Variants in VPS13A observed in about 807,000 individuals in gnomAD.
The protein encoded by VPS13A is intermembrane lipid transfer protein VPS13A.
VPS13A carries 264 observed loss-of-function variants against 390.9 expected under a neutral mutation model. That is an observed-to-expected ratio of 0.68 (90% CI 0.61 to 0.75). The LOEUF (loss-of-function observed/expected upper bound fraction) is 0.75, where lower values mean the gene tolerates loss of function less well. Among genes scored for constraint, VPS13A ranks in the 30% least tolerant of loss-of-function variants. The pLI is 0.00. For synonymous variants in VPS13A, 1,231 were observed against 1,227.1 expected (o/e 1.00, Z -0.07); for missense variants, 3,409 against 3,733.9 (o/e 0.91, Z 2.27).
At chr9:77,319,522 T>C (rs1446584364) in intron 41 of VPS13A, 50 bp from the exon 42 acceptor site, 1 of 1,259,888 alleles carries the variant, frequency 7.9e-7, no homozygotes, top group South Asian at 1.2e-5. Flanking sequence ...AAAAACATGG[T>C]GGGAAACAGG....
At chr9:77,251,084 T>G (rs1265452437) in intron 21 of VPS13A, among the ~76,000 whole-genome samples, 3 of 152,224 alleles carry the variant, frequency 2.0e-5, no homozygotes, top group Non-Finnish European at 4.4e-5. Flanking sequence ...TTAATTTGTA[T>G]AGGACTGAAA....
chr9:77,300,911 G>A (rs1256526325), intron 33 of VPS13A, among the ~76,000 whole-genome samples: 1 of 152,142 alleles, frequency 6.6e-6, no homozygotes, highest in Admixed American at 6.5e-5. Flanking sequence ...CTGACAAAAA[G>A]CAAAGAATAA....
rs1280119940 is a variant in VPS13A, at chr9:77,417,518, AGT to A, written c.*1517_*1518del. On this transcript the variant is annotated 3_prime_UTR_variant, in exon 72 of 72. Coordinates refer to ENST00000360280, the MANE Select transcript of VPS13A (RefSeq NM_033305.3). ...AACCACAAGTTTAAAATCACATGAAAGTGTGTTTCCATGTTGACCTTTGTTTA... is the reference window on the plus strand; with the variant it reads ...AACCACAAGTTTAAAATCACATGAAAGTGTTTCCATGTTGACCTTTGTTTA... The A allele has an allele frequency of 6.6e-6, 1 of 151,984 alleles. No individual in the cohort carries two copies. Among genetic ancestry groups the A allele is most frequent in the East Asian group, 1.9e-4 (1 of 5,190 alleles). 9.4% of individuals were successfully genotyped at this position (151,984 alleles called of 1,614,324 possible).
At chr9:77,261,150 C>T (rs535552239) in intron 23 of VPS13A, among the ~76,000 whole-genome samples, 7 of 152,094 alleles carry the variant, frequency 4.6e-5, no homozygotes, top group South Asian at 2.1e-4. Context: ...CCACCCGCCT[C>T]GGCCTTCCAA....
Position 77,419,166 on chromosome 9 carries a change from G to A in VPS13A, c.*3160G>A, listed in dbSNP as rs1156527407. The A allele has an allele frequency of 6.6e-6, 1 of 152,154 alleles. No homozygotes were observed. Among genetic ancestry groups the A allele is most frequent in the African/African-American group, 2.4e-5 (1 of 41,430 alleles). 9.4% of individuals were successfully genotyped at this position (152,154 alleles called of 1,614,324 possible). On this transcript the variant is annotated 3_prime_UTR_variant, in exon 72 of 72. Coordinates refer to ENST00000360280, the MANE Select transcript of VPS13A (RefSeq NM_033305.3). ...GGGCATTGCTTGTTACCTTTTGTCAGGATCAACCCAAATCCTCAGGGATGC... is the reference window on the plus strand; with the variant it reads ...GGGCATTGCTTGTTACCTTTTGTCAAGATCAACCCAAATCCTCAGGGATGC...
chr9:77,351,095 AT>A (rs1422642152), intron 52 of VPS13A: 1 of 458,574 alleles, frequency 2.2e-6, no homozygotes, highest in Admixed American at 3.7e-5. Context: ...GAAGACCTTT[AT>A]TTCCTAAGTA....
intron 71 of VPS13A, 119 bp from the exon 72 acceptor site, chr9:77,415,837 G>C: frequency 1.8e-6 from 2 of 1,123,404 alleles, no homozygotes; most frequent in Non-Finnish European, 2.6e-6. Context: ...TTATGTATTG[G>C]CTGTCAGTAT....
In VPS13A at chr9:77,419,130, T is replaced by G. The variant is rs1835265912; in HGVS notation, c.*3124T>G. On this transcript the variant is annotated 3_prime_UTR_variant, in exon 72 of 72. Transcript: ENST00000360280. ...AGCCAACACAGTTCAGAGGAATCTT[T>G]TCGGCTTCCAGGGCATTGCTTGTTA... 1 of 152,216 alleles carries G rather than the reference T, an allele frequency of 6.6e-6. No homozygotes were observed. The highest frequency in any genetic ancestry group is 1.5e-5 in the Non-Finnish European group (1 of 68,038). The allele number at this position is 152,216 out of a possible 1,614,324, so 9.4% of individuals were successfully genotyped here.
chr9:77,325,456 A>G (rs1829966815), intron 45 of VPS13A, among the ~76,000 whole-genome samples: 1 of 150,452 alleles, frequency 6.6e-6, no homozygotes, highest in Admixed American at 6.6e-5. Flanking sequence ...TAACAGGGAT[A>G]ATTAAACCAC....
At chr9:77,376,069 T>A (rs1229123000) in intron 67 of VPS13A, among the ~76,000 whole-genome samples, 2 of 151,954 alleles carry the variant, frequency 1.3e-5, no homozygotes, top group Non-Finnish European at 2.9e-5. Flanking sequence ...ACTCATAAGA[T>A]TATATTTGAG....
rs1256297987 is a variant in VPS13A at position 77,340,029 on chromosome 9, G to C, written c.6774+118G>C. 32 of 1,403,030 alleles carry C rather than the reference G, an allele frequency of 2.3e-5. No individual in the cohort carries two copies. In the Admixed American group the frequency reaches 6.1e-4, roughly 27 times the overall value. 86.9% of individuals were successfully genotyped at this position (1,403,030 alleles called of 1,614,324 possible). ...GATAGAAATAACTTGTTAAATATTT[G>C]AGGCCAAAAAGATTAGAATTTAATA... On this transcript the variant is annotated intron_variant, in intron 48 of 71. Transcript: ENST00000360280.
intron 60 of VPS13A, among the ~76,000 whole-genome samples, 172 bp from the exon 61 acceptor site, chr9:77,366,555 A>G (rs545129349): frequency 6.6e-6 from 1 of 152,126 alleles, no homozygotes; most frequent in Non-Finnish European, 1.5e-5. Flanking sequence ...AAATAGAGCT[A>G]TGTTAGATTT....
chr9:77,257,492 C>T (rs1825515512), intron 22 of VPS13A, among the ~76,000 whole-genome samples: 1 of 152,256 alleles, frequency 6.6e-6, no homozygotes, highest in Non-Finnish European at 1.5e-5. Flanking sequence ...TAGTCTTATA[C>T]CTGTAATCCC....
intron 45 of VPS13A, among the ~76,000 whole-genome samples, chr9:77,329,208 T>G (rs1830162911): frequency 6.6e-6 from 1 of 152,218 alleles, no homozygotes; most frequent in South Asian, 2.1e-4. Context: ...CACTAGAGTA[T>G]TCTTCCTGTC....
At chr9:77,362,873 A>G (rs1832218632) in intron 59 of VPS13A, among the ~76,000 whole-genome samples, 1 of 152,154 alleles carries the variant, frequency 6.6e-6, no homozygotes. Context: ...TTCTTATAGT[A>G]TTATGAATAA....
Position 77,349,794 on chromosome 9 carries a change from C to T in VPS13A, c.7290-1523C>T, listed in dbSNP as rs1248099220. 2.0e-5 allele frequency among the ~76,000 whole-genome samples: 3 copies of T among 152,170 alleles called. No homozygotes were observed. In the East Asian group the frequency reaches 5.8e-4, roughly 29 times the overall value. On this transcript the variant is annotated intron_variant, in intron 52 of 71. Transcript: ENST00000360280. ...GAATAGCTGGGATTACAGGTGCGCGCCACTATGCCCGGCTAATTTTCATAT... is the reference window on the plus strand; with the variant it reads ...GAATAGCTGGGATTACAGGTGCGCGTCACTATGCCCGGCTAATTTTCATAT...
At chr9:77,191,348 G>C (rs562892242) in intron 1 of VPS13A, among the ~76,000 whole-genome samples, 6 of 149,618 alleles carry the variant, frequency 4.0e-5, no homozygotes, top group South Asian at 4.2e-4. Flanking sequence ...GGCTGAAGTG[G>C]AGTGGCATGA....
At chr9:77,390,176 T>C in intron 68 of VPS13A, 1 of 912,810 alleles carries the variant, frequency 1.1e-6, no homozygotes, top group Admixed American at 6.2e-5. Flanking sequence ...CAAAGGCTAT[T>C]GGACTTCACT....
Position 77,409,045 on chromosome 9 carries a change from C to G in VPS13A, c.9474+1438C>G, listed in dbSNP as rs564680885. On this transcript the variant is annotated intron_variant, in intron 71 of 71. Transcript: ENST00000360280. ...AGGAGCCTAACTGGGAGGCACCCCC[C>G]AAGTAGGGGCAGACTGACACCTCAC... Among the ~76,000 whole-genome samples, 239 of 152,312 alleles carry G rather than the reference C, an allele frequency of 1.6e-3. 2 individuals are homozygous for G. Among genetic ancestry groups the G allele is most frequent in the Middle Eastern group, 6.8e-3 (2 of 294 alleles).
Sources: allele counts gnomAD v4.1 joint callset (sites outside exome capture counted in the v4.1 genomes callset), GRCh38; gene constraint gnomAD v4.1.1; transcripts MANE v1.5; gene names NCBI Gene and HGNC (gene_info 2026-07-23, HGNC 2026-07-21).